Variants in ELAPOR2 observed in about 807,000 individuals in gnomAD.
ELAPOR2 encodes the protein endosome/lysosome-associated apoptosis and autophagy regulator family member 2.
ELAPOR2 carries 89 observed loss-of-function variants against 120.7 expected under a neutral mutation model. The observed-to-expected ratio is 0.74, with a 90% CI of 0.62 to 0.88. The LOEUF (loss-of-function observed/expected upper bound fraction) is 0.88, where lower values mean the gene tolerates loss of function less well. ELAPOR2 is among the 40% of genes least tolerant of loss of function. The probability of loss-of-function intolerance (pLI) is 0.00; values close to 1 mark genes in which losing one functional copy is unlikely to be tolerated. For missense variants in ELAPOR2, 1,134 were observed against 1,251.6 expected (o/e 0.91, Z 1.42); for synonymous variants, 444 against 444.9 (o/e 1.00, Z 0.03).
At chr7:86,901,018 C>T (rs1333313875) in intron 18 of ELAPOR2, among the ~76,000 whole-genome samples, 1 of 152,186 alleles carries the variant, frequency 6.6e-6, no homozygotes, top group Non-Finnish European at 1.5e-5. Flanking sequence ...AGAGGTATCA[C>T]AAATCATGCT....
intron 1 of ELAPOR2, among the ~76,000 whole-genome samples, chr7:87,012,049 A>G: frequency 6.6e-6 from 1 of 152,188 alleles, no homozygotes; most frequent in East Asian, 1.9e-4. Context: ...TTATTGTACT[A>G]AATAATCTAA....
intron 9 of ELAPOR2, among the ~76,000 whole-genome samples, chr7:86,926,471 G>T (rs1373517192): frequency 1.3e-5 from 2 of 151,892 alleles, no homozygotes; most frequent in African/African-American, 2.4e-5. Context: ...TAGCATGGGG[G>T]ACATAGATTC....
intron 1 of ELAPOR2, among the ~76,000 whole-genome samples, chr7:86,988,813 C>T (rs77782268): frequency 0.011 from 1,645 of 152,230 alleles, 37 homozygotes; most frequent in African/African-American, 0.038. Context: ...CTCATAGAAC[C>T]GATCATGCAG....
intron 1 of ELAPOR2, among the ~76,000 whole-genome samples, chr7:87,055,425 T>C (rs1795231470): frequency 6.6e-6 from 1 of 152,236 alleles, no homozygotes; most frequent in Non-Finnish European, 1.5e-5. Flanking sequence ...AGGTCCCTTA[T>C]GATAGGCTCC....
In ELAPOR2 at chr7:87,024,205, G is replaced by T. The variant is rs185475705; in HGVS notation, c.189+35120C>A. On this transcript the variant is annotated intron_variant, in intron 1 of 21. Transcript: ENST00000450689. ...GTATGATATTGGCTGTGAGTTTGTC[G>T]TAGATAGCTCTCATTATTTTGAGAT... 2.0e-5 allele frequency among the ~76,000 whole-genome samples: 3 copies of T among 152,092 alleles called. No homozygotes were observed. The South Asian group carries it at 6.2e-4, about 32-fold the overall frequency.
intron 19 of ELAPOR2, among the ~76,000 whole-genome samples, chr7:86,896,800 G>T (rs1408864209): frequency 6.6e-6 from 1 of 152,084 alleles, no homozygotes; most frequent in African/African-American, 2.4e-5. Context: ...TATGATCAAA[G>T]TAATTTGGTA....
At chr7:86,998,014 A>C (rs901323405) in intron 1 of ELAPOR2, among the ~76,000 whole-genome samples, 1 of 152,202 alleles carries the variant, frequency 6.6e-6, no homozygotes, top group African/African-American at 2.4e-5. Context: ...CAATATGTAA[A>C]GGTAGACAAA....
chr7:86,966,280 T>C (rs1791898857), intron 1 of ELAPOR2, among the ~76,000 whole-genome samples: 1 of 152,166 alleles, frequency 6.6e-6, no homozygotes, highest in Admixed American at 6.5e-5. Context: ...TTCCTCCAAT[T>C]TCCTGGAGGA....
chr7:87,043,097 G>T (rs28890795), intron 1 of ELAPOR2, among the ~76,000 whole-genome samples: 42,447 of 150,884 alleles, frequency 0.28, 8,816 homozygotes, highest in African/African-American at 0.59. Flanking sequence ...AATAACAGGA[G>T]CTGAAATTGT....
chr7:87,054,751 G>A (rs943055063), intron 1 of ELAPOR2, among the ~76,000 whole-genome samples: 2 of 152,090 alleles, frequency 1.3e-5, no homozygotes, highest in African/African-American at 4.8e-5. Context: ...TCACCTCCCA[G>A]TTAACACTCA....
intron 1 of ELAPOR2, among the ~76,000 whole-genome samples, chr7:87,040,188 T>C (rs1302420751): frequency 6.6e-6 from 1 of 152,118 alleles, no homozygotes; most frequent in South Asian, 2.1e-4. Flanking sequence ...GCAGCGAGGC[T>C]GGGGGAGAGG....
intron 1 of ELAPOR2, among the ~76,000 whole-genome samples, chr7:87,028,455 A>G (rs1255757533): frequency 6.6e-6 from 1 of 152,086 alleles, no homozygotes; most frequent in Non-Finnish European, 1.5e-5. Context: ...GTCCTTGACT[A>G]CTTCTTTTTA....
chr7:87,017,805 C>CA (rs1426477873), intron 1 of ELAPOR2, among the ~76,000 whole-genome samples: 2 of 152,068 alleles, frequency 1.3e-5, no homozygotes, highest in African/African-American at 2.4e-5. Context: ...CCTGTAGTCC[C>CA]AGCTACTCAG....
chr7:87,038,408 T>C (rs1018902497), intron 1 of ELAPOR2, among the ~76,000 whole-genome samples: 2 of 152,186 alleles, frequency 1.3e-5, no homozygotes, highest in Non-Finnish European at 2.9e-5. Context: ...ATCCTTATTA[T>C]ACTAAAAGCT....
intron 1 of ELAPOR2, among the ~76,000 whole-genome samples, chr7:87,009,523 C>T (rs10250640): frequency 0.38 from 57,527 of 151,930 alleles, 11,727 homozygotes; most frequent in African/African-American, 0.53. Context: ...GCCAGAGGTA[C>T]ATAAATTTAA....
intron 1 of ELAPOR2, among the ~76,000 whole-genome samples, chr7:87,007,284 C>G (rs1416667833): frequency 1.3e-5 from 2 of 152,084 alleles, no homozygotes; most frequent in Non-Finnish European, 2.9e-5. Flanking sequence ...AAACCAATTT[C>G]CATGTATTCT....
chr7:86,897,350 A>G (rs1788482205), intron 19 of ELAPOR2, among the ~76,000 whole-genome samples, 156 bp downstream of exon 19: 1 of 152,128 alleles, frequency 6.6e-6, no homozygotes, highest in Non-Finnish European at 1.5e-5. Flanking sequence ...CTAGCATCTG[A>G]GAGTTCAGCT....
chr7:86,880,366 G>T lies in ELAPOR2; in HGVS notation c.*105C>A. The T allele has an allele frequency of 1.2e-6, 1 of 833,802 alleles. No homozygotes were observed. Among genetic ancestry groups the T allele is most frequent in the Non-Finnish European group, 2.0e-6 (1 of 492,698 alleles). 51.7% of individuals were successfully genotyped at this position (833,802 alleles called of 1,614,324 possible). A position where few individuals can be genotyped will look rare whatever the true frequency, so the allele number is the denominator to read the frequency against. ...TTTCAGCGGCATGGCCCTCCTCTGT[G>T]AGATCACCAATGTGACAGGTATGAG... On this transcript the variant is annotated 3_prime_UTR_variant, in exon 22 of 22. Coordinates refer to ENST00000450689, the MANE Select transcript of ELAPOR2 (RefSeq NM_001142749.3).
chr7:86,947,807 C>A lies in ELAPOR2; in HGVS notation c.426G>T (p.Leu142Phe). 2 of 1,551,898 alleles carry A rather than the reference C, an allele frequency of 1.3e-6. No individual in the cohort carries two copies. The highest frequency in any genetic ancestry group is 1.7e-6 in the Non-Finnish European group (2 of 1,147,032). ...TTGCGATGTTAGAAAATCCTGCCGG[C>A]AATTCATCCCATTCATCAAATTTGA... Reference protein sequence around the residue: ...SGIKFDEWDELPAGFSNIATF... With the variant: ...SGIKFDEWDEFPAGFSNIATF... The change falls in exon 3 of 22, where the codon TTG (leucine) becomes TTT (phenylalanine). Residue 142 changes from leucine (L) to phenylalanine (F), a missense_variant. Leu to Phe is a conservative substitution (Grantham distance 22). Coordinates refer to ENST00000450689, the MANE Select transcript of ELAPOR2 (RefSeq NM_001142749.3).
Sources: gnomAD v4.1 joint callset for allele counts (sites outside exome capture counted in the v4.1 genomes callset) on GRCh38, gnomAD v4.1.1 for gene constraint, MANE v1.5 for transcripts, NCBI Gene and HGNC (gene_info 2026-07-23, HGNC 2026-07-21) for gene names.